Variants in MYCBP2 observed in about 807,000 individuals in gnomAD.
MYCBP2 encodes the protein E3 ubiquitin-protein ligase MYCBP2.
A neutral mutation model predicts 525.3 loss-of-function variants in MYCBP2; 120 were observed. The ratio of observed to expected loss-of-function variants is 0.23; its 90% CI spans 0.20 to 0.27. The LOEUF (loss-of-function observed/expected upper bound fraction) is 0.27. MYCBP2 is among the 10% of genes least tolerant of loss of function. MYCBP2 has a pLI of 1.00. For synonymous variants in MYCBP2, 1,894 were observed against 1,955.8 expected (o/e 0.97, Z 0.83); for missense variants, 4,149 against 5,657.1 (o/e 0.73, Z 8.55).
chr13:77,232,921 GA>G (rs1430971198), intron 18 of MYCBP2, among the ~76,000 whole-genome samples: 1 of 152,060 alleles, frequency 6.6e-6, no homozygotes, highest in Non-Finnish European at 1.5e-5. Flanking sequence ...AATGGACAAG[GA>G]AAAGATATAT....
intron 23 of MYCBP2, among the ~76,000 whole-genome samples, chr13:77,210,426 T>G (rs1394841140): frequency 6.6e-6 from 1 of 152,110 alleles, no homozygotes; most frequent in Admixed American, 6.5e-5. Context: ...TCTCCTGACC[T>G]CGTGATCTGC....
chr13:77,209,639 T>C (rs1023237194), intron 23 of MYCBP2, among the ~76,000 whole-genome samples: 1 of 152,172 alleles, frequency 6.6e-6, no homozygotes, highest in South Asian at 2.1e-4. Context: ...ATAAGAATGA[T>C]CACAAAAGAC....
intron 1 of MYCBP2, among the ~76,000 whole-genome samples, chr13:77,312,797 T>A (rs945445614): frequency 1.8e-4 from 27 of 152,064 alleles, no homozygotes; most frequent in African/African-American, 5.8e-4. Flanking sequence ...AACACTCCAA[T>A]TGAAAGGCAA....
chr13:77,262,188 AC>A, intron 10 of MYCBP2, 59 bp from the exon 11 acceptor site: 1 of 1,370,852 alleles, frequency 7.3e-7, no homozygotes, highest in Non-Finnish European at 1.0e-6. Context: ...TCTAAATACA[AC>A]ATGCACTATT....
chr13:77,312,208 T>C (rs1393581438), intron 1 of MYCBP2, among the ~76,000 whole-genome samples: 1 of 151,782 alleles, frequency 6.6e-6, no homozygotes, highest in Non-Finnish European at 1.5e-5. Context: ...AGAGAATGTA[T>C]CCCCAGCAGA....
intron 18 of MYCBP2, among the ~76,000 whole-genome samples, chr13:77,232,243 A>G (rs1267092365): frequency 6.6e-6 from 1 of 152,190 alleles, no homozygotes; most frequent in Non-Finnish European, 1.5e-5. Context: ...CCAAACATTA[A>G]TTAGATTAAT....
At chr13:77,094,159 G>C (rs2045873665) in intron 58 of MYCBP2, among the ~76,000 whole-genome samples, 1 of 152,092 alleles carries the variant, frequency 6.6e-6, no homozygotes, top group East Asian at 1.9e-4. Flanking sequence ...ATACAACTCT[G>C]CTACACAAAG....
chr13:77,228,055 T>TTA (rs550612805), intron 18 of MYCBP2, among the ~76,000 whole-genome samples: 7 of 151,818 alleles, frequency 4.6e-5, no homozygotes, highest in South Asian at 2.1e-4. Flanking sequence ...AATATATATT[T>TTA]TATATATATA....
At chr13:77,305,112 A>C (rs1166131289) in intron 1 of MYCBP2, among the ~76,000 whole-genome samples, 1 of 152,092 alleles carries the variant, frequency 6.6e-6, no homozygotes, top group Non-Finnish European at 1.5e-5. Flanking sequence ...AAACATTATC[A>C]ATGTTAGACT....
intron 1 of MYCBP2, among the ~76,000 whole-genome samples, chr13:77,321,082 T>C (rs1182587695): frequency 6.6e-6 from 1 of 152,236 alleles, no homozygotes; most frequent in Non-Finnish European, 1.5e-5. Flanking sequence ...AATTTTATTG[T>C]ATATAAATTA....
chr13:77,177,814 C>A lies in MYCBP2; in HGVS notation c.5274G>T (p.Val1758=). The change falls in exon 35 of 83, where the codon GTG becomes GTT. Residue 1758 remains valine (V), a synonymous_variant. Coordinates refer to ENST00000544440, the MANE Select transcript of MYCBP2 (RefSeq NM_015057.5). Reference sequence around the variant, plus strand: ...CTCCTCCATAGACAGAGAAACCAACCACAACTATTCCAGGTTTGTCTACTG... The same window carrying A: ...CTCCTCCATAGACAGAGAAACCAACAACAACTATTCCAGGTTTGTCTACTG... ...CFSVDKPGIV[V]VGFSVYGGGG... 1 of 1,613,982 alleles carries A rather than the reference C, an allele frequency of 6.2e-7. No individual in the cohort carries two copies.
At chr13:77,125,312 A>C (rs1313696040) in intron 54 of MYCBP2, 24 bp downstream of exon 54, 1 of 1,612,890 alleles carries the variant, frequency 6.2e-7, no homozygotes, top group African/African-American at 1.3e-5. Flanking sequence ...AATTGGAATA[A>C]ATCACAAATT....
At chr13:77,085,262 A>G (rs1478814012) in intron 62 of MYCBP2, among the ~76,000 whole-genome samples, 1 of 152,020 alleles carries the variant, frequency 6.6e-6, no homozygotes, top group Non-Finnish European at 1.5e-5. Flanking sequence ...TTGTTTTGTT[A>G]TCTAATTCTT....
In MYCBP2 at chr13:77,243,210, A is replaced by T. The variant is rs375019450; in HGVS notation, c.2528-50T>A. On this transcript the variant is annotated intron_variant, in intron 16 of 82. Coordinates refer to ENST00000544440, the MANE Select transcript of MYCBP2 (RefSeq NM_015057.5). ...ACAACAACAACATATATGTTATATA[A>T]TAGCTATGACAGAACTACATAAAAT... 1.1e-4 allele frequency: 147 copies of T among 1,332,266 alleles called. 1 individual carries two copies. In the African/African-American group the frequency reaches 2.0e-3, roughly 18 times the overall value. 82.5% of individuals were successfully genotyped at this position (1,332,266 alleles called of 1,614,324 possible).
chr13:77,158,619 A>T (rs1025752224), intron 44 of MYCBP2, among the ~76,000 whole-genome samples: 7 of 152,060 alleles, frequency 4.6e-5, no homozygotes, highest in East Asian at 1.9e-4. Flanking sequence ...AATTTTTTTT[A>T]AAACTTTTTG....
intron 3 of MYCBP2, 131 bp downstream of exon 3, chr13:77,288,030 C>A: frequency 1.2e-6 from 1 of 864,182 alleles, no homozygotes; most frequent in Non-Finnish European, 1.8e-6. Flanking sequence ...TCTATTTTTG[C>A]CCATAAGCCG....
In MYCBP2 at chr13:77,090,151, G is replaced by A. The variant is rs1401031552; in HGVS notation, c.10480C>T (p.Arg3494Ter). ...YDKQHSILPA[R>*]VKAIPRRRVN... The stretch of plus-strand genomic sequence containing the variant: ...CTTCTTCTAGGAATAGCTTTAACTC[G>A]TGCAGGTAAAATGGAGTGTTGTTTA... The change falls in exon 60 of 83, where the codon CGA (arginine) becomes TGA (stop). Residue 3494 changes from arginine to a stop codon, truncating the protein, a stop_gained. Transcript: ENST00000544440. LOFTEE classifies it high-confidence loss of function. The A allele has an allele frequency of 1.9e-6, 3 of 1,612,406 alleles. No homozygotes were observed. The highest frequency in any genetic ancestry group is 2.2e-5 in the East Asian group (1 of 44,740).
intron 26 of MYCBP2, among the ~76,000 whole-genome samples, chr13:77,200,926 C>T (rs1299857350): frequency 4.6e-5 from 7 of 152,012 alleles, no homozygotes; most frequent in Admixed American, 2.6e-4. Flanking sequence ...CGGTACCAGC[C>T]ACTGCAAAAT....
At chr13:77,282,413 A>C (rs922906541) in intron 3 of MYCBP2, among the ~76,000 whole-genome samples, 2 of 138,164 alleles carry the variant, frequency 1.4e-5, no homozygotes, top group African/African-American at 2.5e-5. Context: ...TCCATCTTGA[A>C]AAAAAAAAAA....
Sources: allele counts gnomAD v4.1 joint callset (sites outside exome capture counted in the v4.1 genomes callset), GRCh38; gene constraint gnomAD v4.1.1; transcripts MANE v1.5; gene names NCBI Gene and HGNC (gene_info 2026-07-23, HGNC 2026-07-21).